CDH18: variants seen among roughly 807,000 people sequenced by gnomAD.
CDH18 encodes the protein cadherin-18.
In CDH18, 31 loss-of-function variants were observed where a neutral mutation model predicts 67.9. The ratio of observed to expected loss-of-function variants is 0.46; its 90% CI spans 0.34 to 0.62. The LOEUF (loss-of-function observed/expected upper bound fraction) is 0.62, where lower values mean the gene tolerates loss of function less well. Among genes scored for constraint, CDH18 ranks in the 20% least tolerant of loss-of-function variants. The probability of loss-of-function intolerance (pLI) is 0.01; values close to 1 mark genes in which losing one functional copy is unlikely to be tolerated. For missense variants in CDH18, 890 were observed against 975.5 expected (o/e 0.91, Z 1.17); for synonymous variants, 362 against 347.2 (o/e 1.04, Z -0.48).
At position 20,090,383 on chromosome 5, in the gene CDH18, A is replaced by C. The variant is rs1425997702; in HGVS notation, c.-517-98369T>G. Among the ~76,000 whole-genome samples the C allele has an allele frequency of 2.0e-5, 3 of 152,168 alleles. No individual in the cohort carries two copies. In the East Asian group the frequency reaches 5.8e-4, roughly 30 times the overall value. ...AACCCCGTCTCTACCAAAAATACAA[A>C]AATTAGCCAGGCATGGTGGTGGGTG... is the stretch of plus-strand genomic sequence containing the variant. On this transcript the variant is annotated intron_variant, in intron 2 of 14. Transcript: ENST00000507958.
chr5:19,856,227 C>CTACT (rs1372442539), intron 2 of CDH18, among the ~76,000 whole-genome samples: 2 of 152,180 alleles, frequency 1.3e-5, no homozygotes, highest in Non-Finnish European at 2.9e-5. Flanking sequence ...GATTCAAGAC[C>CTACT]TACTAAAACT....
chr5:20,486,130 C>T (rs750958065), intron 1 of CDH18, among the ~76,000 whole-genome samples: 11 of 152,114 alleles, frequency 7.2e-5, no homozygotes, highest in Non-Finnish European at 1.3e-4. Context: ...TTCTTAAAAC[C>T]CCAGTTCTAA....
intron 1 of CDH18, among the ~76,000 whole-genome samples, chr5:20,402,792 C>T (rs1357956143): frequency 1.3e-5 from 2 of 151,848 alleles, no homozygotes; most frequent in African/African-American, 4.8e-5. Context: ...CTTAAAATAC[C>T]CACTACTCGG....
chr5:20,228,285 T>C (rs1358431794), intron 2 of CDH18, among the ~76,000 whole-genome samples: 2 of 152,052 alleles, frequency 1.3e-5, no homozygotes, highest in African/African-American at 4.8e-5. Context: ...CTAGAAGTAC[T>C]ATAAGTTTAG....
intron 2 of CDH18, among the ~76,000 whole-genome samples, chr5:20,163,831 T>C (rs536685240): frequency 6.6e-6 from 1 of 152,236 alleles, no homozygotes; most frequent in South Asian, 2.1e-4. Flanking sequence ...TCAAAATGCA[T>C]ATTTTTTACA....
At chr5:19,739,536 T>C (rs1768826290) in intron 4 of CDH18, among the ~76,000 whole-genome samples, 1 of 152,188 alleles carries the variant, frequency 6.6e-6, no homozygotes, top group Non-Finnish European at 1.5e-5. Flanking sequence ...CACCGAATTA[T>C]GAGCAAATAA....
At chr5:19,871,279 T>C (rs188514239) in intron 2 of CDH18, among the ~76,000 whole-genome samples, 1 of 152,310 alleles carries the variant, frequency 6.6e-6, no homozygotes, top group African/African-American at 2.4e-5. Context: ...TCACCAAATA[T>C]TAAAATAGCA....
chr5:20,335,546 A>G (rs111748197), intron 1 of CDH18, among the ~76,000 whole-genome samples: 12 of 152,258 alleles, frequency 7.9e-5, no homozygotes, highest in Non-Finnish European at 1.5e-4. Flanking sequence ...GACATTTCTG[A>G]GACTTTCACT....
intron 1 of CDH18, among the ~76,000 whole-genome samples, chr5:20,271,614 T>TAC (rs1437061966): frequency 2.0e-5 from 3 of 151,890 alleles, no homozygotes; most frequent in Non-Finnish European, 4.4e-5. Flanking sequence ...AACAATGATA[T>TAC]ACACACACAC....
rs561681713 is a variant in CDH18 at position 19,841,287 on chromosome 5, C to A, written c.-256-2045G>T. Among the ~76,000 whole-genome samples, 5 of 152,208 alleles carry A rather than the reference C, an allele frequency of 3.3e-5. No individual in the cohort carries two copies. The South Asian group carries it at 1.0e-3, about 32-fold the overall frequency. On this transcript the variant is annotated intron_variant, in intron 2 of 12. Coordinates refer to ENST00000382275, the MANE Select transcript of CDH18 (RefSeq NM_004934.5). ...TTTAAATCAAAACAACTTCAAAACT[C>A]TCCTAAAATATAAGAGAGAGCAATA... is the stretch of plus-strand genomic sequence containing the variant.
At chr5:19,490,976 T>C (rs552417808) in intron 11 of CDH18, among the ~76,000 whole-genome samples, 1 of 152,246 alleles carries the variant, frequency 6.6e-6, no homozygotes, top group East Asian at 1.9e-4. Flanking sequence ...CCTAAAGCAA[T>C]AGAGCCACTA....
At chr5:20,544,388 G>GTA (rs757373607) in intron 1 of CDH18, among the ~76,000 whole-genome samples, 6 of 152,008 alleles carry the variant, frequency 3.9e-5, no homozygotes, top group Non-Finnish European at 5.9e-5. Flanking sequence ...ACACATATGT[G>GTA]TATATATATA....
chr5:19,538,054 T>C (rs1749688725), intron 9 of CDH18, among the ~76,000 whole-genome samples: 1 of 152,208 alleles, frequency 6.6e-6, no homozygotes, highest in Non-Finnish European at 1.5e-5. Context: ...ACTGATGCCT[T>C]ATTTGTAGTT....
chr5:19,760,316 G>A (rs1259594785), intron 3 of CDH18, among the ~76,000 whole-genome samples: 3 of 151,942 alleles, frequency 2.0e-5, no homozygotes, highest in Non-Finnish European at 2.9e-5. Context: ...TTTGGTCAAG[G>A]GTATATCTTC....
At chr5:19,803,721 T>C (rs1179759501) in intron 3 of CDH18, 2 of 152,244 alleles carry the variant, frequency 1.3e-5, no homozygotes, top group Non-Finnish European at 2.9e-5. Context: ...TTTTACATTT[T>C]ATTTTATATT....
chr5:19,753,550 A>T (rs1771132852), intron 3 of CDH18, among the ~76,000 whole-genome samples: 1 of 152,224 alleles, frequency 6.6e-6, no homozygotes. Flanking sequence ...ACCTAAGAAT[A>T]ATCAGTGTTC....
intron 3 of CDH18, among the ~76,000 whole-genome samples, chr5:19,798,162 A>G (rs1777053098): frequency 6.6e-6 from 1 of 152,016 alleles, no homozygotes; most frequent in Non-Finnish European, 1.5e-5. Context: ...TAACATTATT[A>G]TACAATTTAA....
In CDH18 at chr5:20,012,846, T is replaced by A. The variant is rs533319613; in HGVS notation, c.-517-20832A>T. Among the ~76,000 whole-genome samples, 109 of 152,014 alleles carry A rather than the reference T, an allele frequency of 7.2e-4. 1 individual carries two copies. The South Asian group carries it at 0.01, about 14-fold the overall frequency. ...CACATTCTCACTTGTAAGTGGGAACTAAATAACAAGAACACACGGACACAT... is the reference window on the plus strand; with the variant it reads ...CACATTCTCACTTGTAAGTGGGAACAAAATAACAAGAACACACGGACACAT... On this transcript the variant is annotated intron_variant, in intron 2 of 14. Coordinates refer to the CDH18 transcript ENST00000507958.
At chr5:20,378,262 C>G (rs1186648992) in intron 1 of CDH18, among the ~76,000 whole-genome samples, 1 of 152,160 alleles carries the variant, frequency 6.6e-6, no homozygotes, top group Non-Finnish European at 1.5e-5. Flanking sequence ...AGCTCCGCCT[C>G]CCGGGTTCAC....
Sources: gnomAD v4.1 joint callset for allele counts (sites outside exome capture counted in the v4.1 genomes callset) on GRCh38, gnomAD v4.1.1 for gene constraint, MANE v1.5 for transcripts, NCBI Gene and HGNC (gene_info 2026-07-23, HGNC 2026-07-21) for gene names.